DNAH1: variants seen among roughly 807,000 people sequenced by gnomAD.
DNAH1 encodes the protein axonemal beta dynein heavy chain 1.
DNAH1 carries 327 observed loss-of-function variants against 484.3 expected under a neutral mutation model. The ratio of observed to expected loss-of-function variants is 0.68; its 90% CI spans 0.62 to 0.74. The LOEUF is 0.74. Ranked by LOEUF, DNAH1 falls within the 30% of genes least tolerant of loss-of-function variation. The pLI, the probability that DNAH1 is intolerant of heterozygous loss-of-function variation, is 0.00. For missense variants in DNAH1, 5,052 were observed against 5,546.8 expected, an observed-to-expected ratio of 0.91 and a Z score of 2.83; for synonymous variants, 2,192 against 2,191.9, an observed-to-expected ratio of 1.00 and a Z score of 0.00.
At chr3:52,325,493 C>A (rs1701303049) in intron 3 of DNAH1, among the ~76,000 whole-genome samples, 1 of 152,218 alleles carries the variant, frequency 6.6e-6, no homozygotes, top group African/African-American at 2.4e-5. Context: ...CTGGGACTTT[C>A]TTCTCCATTG....
rs1178652881 is a variant in DNAH1 at position 52,381,273 on chromosome 3, A to G, written c.7609-367A>G. Among the ~76,000 whole-genome samples, 5 of 151,750 alleles carry G rather than the reference A, an allele frequency of 3.3e-5. No individual in the cohort carries two copies. Among genetic ancestry groups the G allele is most frequent in the Admixed American group, 2.6e-4 (4 of 15,250 alleles). ...GCACCACCACGCCCAGCTAATTTTT[A>G]TTTTTATTTTTTATTTTTTGGTAGA... On this transcript the variant is annotated intron_variant, in intron 48 of 77. Transcript: ENST00000420323. This position sits in a 1 kb window ranked among gnomAD's most constrained non-coding sequence, Gnocchi z 4.1.
intron 60 of DNAH1, 49 bp downstream of exon 60, chr3:52,389,635 C>A: frequency 1.5e-6 from 2 of 1,314,556 alleles, no homozygotes; most frequent in South Asian, 2.3e-5. Context: ...GTGGTGTGGT[C>A]CAGGCTGGGC....
chr3:52,362,968 T>C lies in DNAH1; in HGVS notation c.5095-27T>C. The C allele has an allele frequency of 3.1e-6, 5 of 1,613,124 alleles. No individual in the cohort carries two copies. The highest frequency in any genetic ancestry group is 4.2e-6 in the Non-Finnish European group (5 of 1,179,458). ...TGCTCTGGGGGTGAGCTCTGTTTGC[T>C]GTTCACATGTGCACTGTGTGTCCCA... On this transcript the variant is annotated intron_variant, in intron 31 of 77. Coordinates refer to ENST00000420323, the MANE Select transcript of DNAH1 (RefSeq NM_015512.5). This position sits in a 1 kb window ranked among gnomAD's most constrained non-coding sequence, Gnocchi z 5.1.
In DNAH1 at chr3:52,351,946, C is replaced by A; in HGVS notation, c.2730-16C>A. On this transcript the variant is annotated splice_polypyrimidine_tract_variant and intron_variant, in intron 16 of 77. Transcript: ENST00000420323. The stretch of plus-strand genomic sequence containing the variant: ...GCCGCGATATTTCTCCCAATCCCCA[C>A]CCCCATCCCGGCCAGATGGATTGCC... The A allele has an allele frequency of 1.3e-6, 2 of 1,596,228 alleles. No individual in the cohort carries two copies.
At chr3:52,372,177 C>T in intron 42 of DNAH1, 50 bp from the exon 43 acceptor site, 2 of 1,611,412 alleles carry the variant, frequency 1.2e-6, no homozygotes, top group Non-Finnish European at 1.7e-6. Flanking sequence ...GGCAGCTCCT[C>T]CTGTGCACCA....
Position 52,358,553 on chromosome 3 carries a change from T to G in DNAH1, c.4087-5T>G, listed in dbSNP as rs1017837843. On this transcript the variant is annotated splice_region_variant and splice_polypyrimidine_tract_variant and intron_variant, in intron 24 of 77. Coordinates refer to ENST00000420323, the MANE Select transcript of DNAH1 (RefSeq NM_015512.5). The surrounding 1 kb of genome is among the most constrained non-coding windows in gnomAD (Gnocchi z 4.2). ...ACCCCACTCCTGCTCCTCCACTGCTTGCAGCTGCTATTCCAGGAGGACCTG... is the reference window on the plus strand; with the variant it reads ...ACCCCACTCCTGCTCCTCCACTGCTGGCAGCTGCTATTCCAGGAGGACCTG... The G allele has an allele frequency of 1.2e-6, 2 of 1,602,892 alleles. No individual in the cohort carries two copies. The highest frequency in any genetic ancestry group is 1.7e-6 in the Non-Finnish European group (2 of 1,174,974).
chr3:52,366,430 C>A (rs753406877), intron 34 of DNAH1, 27 bp from the exon 35 acceptor site: 95 of 1,560,840 alleles, frequency 6.1e-5, no homozygotes, highest in Non-Finnish European at 8.3e-5. Flanking sequence ...ATGCTCTGAC[C>A]CTTGGGCCCC....
At chr3:52,389,257 A>G (rs1704258493) in intron 59 of DNAH1, among the ~76,000 whole-genome samples, 1 of 152,240 alleles carries the variant, frequency 6.6e-6, no homozygotes, top group African/African-American at 2.4e-5. Context: ...ACAGGCAGGC[A>G]TCGTTAGCTT....
chr3:52,368,824 C>A lies in DNAH1; in HGVS notation c.5849C>A (p.Pro1950Gln). The A allele has an allele frequency of 6.2e-7, 1 of 1,613,916 alleles. No homozygotes were observed. The highest frequency in any genetic ancestry group is 8.5e-7 in the Non-Finnish European group (1 of 1,179,874). ...AAGAAGTGGTACATGTTCGATGGGCCGGTGGATGCCATCTGGATTGAGAAC... is the reference window on the plus strand; with the variant it reads ...AAGAAGTGGTACATGTTCGATGGGCAGGTGGATGCCATCTGGATTGAGAAC... The part of the protein sequence containing the change: ...TNKKWYMFDG[P>Q]VDAIWIENMN... The change falls in exon 37 of 78, where the codon CCG becomes CAG. Residue 1950 changes from proline (P) to glutamine (Q), a missense_variant. Transcript: ENST00000420323. The surrounding 1 kb of genome is among the most constrained non-coding windows in gnomAD (Gnocchi z 4.4).
chr3:52,339,790 CTCTGTGTGTGTG>C (rs781543556), intron 8 of DNAH1, among the ~76,000 whole-genome samples: 9 of 150,216 alleles, frequency 6.0e-5, no homozygotes, highest in Admixed American at 2.0e-4. Context: ...TTAGAATGTG[CTCTGTGTGTGTG>C]TCTGTGTGTG....
rs775042880 is a variant in DNAH1, at chr3:52,381,196, G to A, written c.7609-444G>A. On this transcript the variant is annotated intron_variant, in intron 48 of 77. Coordinates refer to ENST00000420323, the MANE Select transcript of DNAH1 (RefSeq NM_015512.5). This position sits in a 1 kb window ranked among gnomAD's most constrained non-coding sequence, Gnocchi z 4.1. ...GCTTACTGCAGCCTCTACCTCATGG[G>A]CTCTATCAGTCGTCCCACCTCAGCG... is the stretch of plus-strand genomic sequence containing the variant. 2.6e-5 allele frequency among the ~76,000 whole-genome samples: 4 copies of A among 152,182 alleles called. No individual in the cohort carries two copies. Among genetic ancestry groups the A allele is most frequent in the Non-Finnish European group, 5.9e-5 (4 of 68,040 alleles).
intron 8 of DNAH1, among the ~76,000 whole-genome samples, chr3:52,339,626 A>G (rs147369462): frequency 3.7e-4 from 57 of 152,276 alleles, no homozygotes; most frequent in African/African-American, 1.3e-3. Flanking sequence ...AAATGTGCAA[A>G]CAAAGCTAAA....
intron 20 of DNAH1, among the ~76,000 whole-genome samples, chr3:52,354,280 ACTC>A (rs781631105): frequency 7.2e-5 from 11 of 152,192 alleles, no homozygotes; most frequent in African/African-American, 2.2e-4. Flanking sequence ...CAGCGCCCAC[ACTC>A]CTCCTAACCT....
At chr3:52,378,403 G>A (rs1010651702) in intron 46 of DNAH1, among the ~76,000 whole-genome samples, 199 bp from the exon 47 acceptor site, 9 of 150,672 alleles carry the variant, frequency 6.0e-5, no homozygotes, top group Admixed American at 2.0e-4. Context: ...TATAAGGGGT[G>A]CAGAGCAGGA....
intron 36 of DNAH1, among the ~76,000 whole-genome samples, chr3:52,367,721 G>A (rs1416658939): frequency 6.6e-6 from 1 of 152,082 alleles, no homozygotes; most frequent in Non-Finnish European, 1.5e-5. Flanking sequence ...TTACAGGCAT[G>A]TGCCACCATG....
At position 52,344,129 on chromosome 3, in the gene DNAH1, C is replaced by T. The variant is rs146798567; in HGVS notation, c.1287-361C>T. ...TTCCACTGCACCATGGGGCAGCAGG[C>T]GGGGGTGCTGCAGGGGAGGTGCAGG... On this transcript the variant is annotated intron_variant, in intron 8 of 77. Coordinates refer to ENST00000420323, the MANE Select transcript of DNAH1 (RefSeq NM_015512.5). Among the ~76,000 whole-genome samples the T allele has an allele frequency of 3.9e-3, 593 of 152,244 alleles. 4 individuals carry two copies. Among genetic ancestry groups the T allele is most frequent in the South Asian group, 0.027 (132 of 4,822 alleles).
intron 8 of DNAH1, among the ~76,000 whole-genome samples, chr3:52,333,511 C>A (rs1701629977): frequency 6.6e-6 from 1 of 151,484 alleles, no homozygotes; most frequent in South Asian, 2.1e-4. Flanking sequence ...CCTCAGCCTC[C>A]TGGGTAGCTG....
intron 8 of DNAH1, among the ~76,000 whole-genome samples, chr3:52,335,792 G>A (rs1431943483): frequency 2.6e-5 from 4 of 150,960 alleles, no homozygotes; most frequent in African/African-American, 4.9e-5. Context: ...GTGCCACCAC[G>A]CCCAGATAAT....
In DNAH1 at chr3:52,364,722, G is replaced by A; in HGVS notation, c.5329G>A (p.Glu1777Lys). Residue 1777 changes from glutamate (E) to lysine (K), a missense_variant and splice_region_variant, in exon 33 of 78, where the codon GAG becomes AAG. Physicochemically the swap from Glu to Lys is moderately conservative, Grantham distance 56. Around this residue, in one of 4 missense-constraint regions of DNAH1, gnomAD observed 2,929 missense variants for 3,409.4 expected, o/e 0.86. Coordinates refer to ENST00000420323, the MANE Select transcript of DNAH1 (RefSeq NM_015512.5). The surrounding 1 kb of genome is among the most constrained non-coding windows in gnomAD (Gnocchi z 4.2). ...NLKRENPSMNEELICLRAIRD... is the reference protein window; with the variant it reads ...NLKRENPSMNKELICLRAIRD... Reference sequence around the variant, plus strand: ...CAAGCGAGAAAACCCCAGCATGAATGAGGTGAGCTCCACCCAGCAGGGCTC... The same window carrying A: ...CAAGCGAGAAAACCCCAGCATGAATAAGGTGAGCTCCACCCAGCAGGGCTC... 6.2e-7 allele frequency: 1 copy of A among 1,613,016 alleles called. No individual in the cohort carries two copies. The highest frequency in any genetic ancestry group is 8.5e-7 in the Non-Finnish European group (1 of 1,179,344).
Sources: allele counts gnomAD v4.1 joint callset (sites outside exome capture counted in the v4.1 genomes callset), GRCh38; gene constraint gnomAD v4.1.1; regional missense constraint gnomAD v4.1.1; non-coding constraint Gnocchi (gnomAD v3.1); transcripts MANE v1.5; gene names NCBI Gene and HGNC (gene_info 2026-07-23, HGNC 2026-07-21).